The following RAB11FIP4 variants were observed in gnomAD, a reference collection of about 807,000 sequenced individuals.
The protein encoded by RAB11FIP4 is rab11 family-interacting protein 4.
RAB11FIP4 carries 23 observed loss-of-function variants against 74.3 expected under a neutral mutation model. That is an observed-to-expected ratio of 0.31 (90% CI 0.22 to 0.44). The LOEUF is 0.44. Among genes scored for constraint, RAB11FIP4 ranks in the 20% least tolerant of loss-of-function variants. The pLI, the probability that RAB11FIP4 is intolerant of heterozygous loss-of-function variation, is 1.00. For missense variants in RAB11FIP4, 630 were observed against 863.9 expected (o/e 0.73, Z 3.39); for synonymous variants, 360 against 359.9 (o/e 1.00, Z 0.00).
At chr17:31,470,807 G>A (rs752156328) in intron 3 of RAB11FIP4, among the ~76,000 whole-genome samples, 7 of 152,138 alleles carry the variant, frequency 4.6e-5, no homozygotes, top group Admixed American at 1.3e-4. Flanking sequence ...TGTAATGACC[G>A]TCCCCTATAA....
chr17:31,504,666 A>C (rs544682975), intron 3 of RAB11FIP4, among the ~76,000 whole-genome samples: 6 of 152,220 alleles, frequency 3.9e-5, no homozygotes, highest in African/African-American at 1.4e-4. Context: ...CTTCACAACT[A>C]TATGCCATTA....
At chr17:31,432,626 C>T (rs902869562) in intron 2 of RAB11FIP4, among the ~76,000 whole-genome samples, 3 of 152,174 alleles carry the variant, frequency 2.0e-5, no homozygotes, top group African/African-American at 7.2e-5. Flanking sequence ...TCCCAAAGTT[C>T]TGGGATTACA....
At chr17:31,401,263 CTCTG>C (rs946955247) in intron 1 of RAB11FIP4, among the ~76,000 whole-genome samples, 11 of 138,490 alleles carry the variant, frequency 7.9e-5, no homozygotes, top group African/African-American at 2.8e-4. Context: ...CACAGCGAGA[CTCTG>C]TCTAATTAAA....
Position 31,523,931 on chromosome 17 carries a change from T to G in RAB11FIP4, c.1068T>G (p.Asn356Lys). Residue 356 changes from asparagine (N) to lysine (K), a missense_variant, in exon 9 of 15, where the codon AAT becomes AAG. By Grantham distance (94) the Asn-to-Lys change is moderately conservative (BLOSUM62 0). Coordinates refer to ENST00000621161, the MANE Select transcript of RAB11FIP4 (RefSeq NM_032932.6). ...AAAAGAAGGTGACAGAGCTGGAGAA[T>G]GACAGCCTGACCAATGGGGACCTGA... ...FLEKKVTELENDSLTNGDLKS... is the reference protein window; with the variant it reads ...FLEKKVTELEKDSLTNGDLKS... The G allele has an allele frequency of 1.9e-6, 3 of 1,612,254 alleles. No individual in the cohort carries two copies. Among genetic ancestry groups the G allele is most frequent in the Non-Finnish European group, 2.5e-6 (3 of 1,179,434 alleles).
chr17:31,517,577 C>G, intron 3 of RAB11FIP4, 74 bp from the exon 4 acceptor site: 1 of 1,423,630 alleles, frequency 7.0e-7, no homozygotes, highest in East Asian at 2.5e-5. Context: ...GGCTGATGCC[C>G]TTGTGGTCTG....
At chr17:31,471,432 T>C (rs904540273) in intron 3 of RAB11FIP4, among the ~76,000 whole-genome samples, 3 of 152,100 alleles carry the variant, frequency 2.0e-5, no homozygotes, top group African/African-American at 4.8e-5. Flanking sequence ...GGAGCACTCA[T>C]AGAAATGCAC....
At chr17:31,463,180 G>T (rs1019669752) in intron 3 of RAB11FIP4, among the ~76,000 whole-genome samples, 2 of 152,120 alleles carry the variant, frequency 1.3e-5, no homozygotes, top group Non-Finnish European at 2.9e-5. Context: ...CTGCAAGGCC[G>T]CTCAGCTTAA....
chr17:31,441,994 G>C (rs749178239), intron 3 of RAB11FIP4, among the ~76,000 whole-genome samples: 2 of 151,304 alleles, frequency 1.3e-5, no homozygotes, highest in South Asian at 2.1e-4. Context: ...ATTGTTGGGC[G>C]TATATACACT....
intron 3 of RAB11FIP4, among the ~76,000 whole-genome samples, chr17:31,479,294 G>C (rs956821361): frequency 1.3e-5 from 2 of 152,308 alleles, no homozygotes; most frequent in East Asian, 1.9e-4. Context: ...ATGTGTCTGG[G>C]AAGAGGGCAG....
At chr17:31,524,684 C>G (rs1224357350) in intron 9 of RAB11FIP4, 2 of 240,112 alleles carry the variant, frequency 8.3e-6, no homozygotes, top group Admixed American at 5.2e-5. Context: ...GGGCAGACTT[C>G]AGGCCACCAG....
At chr17:31,480,182 C>T (rs147706623) in intron 3 of RAB11FIP4, among the ~76,000 whole-genome samples, 428 of 152,258 alleles carry the variant, frequency 2.8e-3, no homozygotes, top group Middle Eastern at 0.01. Context: ...GCCTCTCACC[C>T]CACAAGCCCT....
intron 3 of RAB11FIP4, among the ~76,000 whole-genome samples, chr17:31,513,191 G>A (rs1393239899): frequency 6.6e-6 from 1 of 152,180 alleles, no homozygotes; most frequent in African/African-American, 2.4e-5. Flanking sequence ...TTACCTGCAG[G>A]CAGCCTGGCC....
chr17:31,444,425 G>A lies in RAB11FIP4; in HGVS notation c.336+10303G>A, dbSNP rs1314505040. On this transcript the variant is annotated intron_variant, in intron 3 of 14. Transcript: ENST00000621161. Reference sequence around the variant, plus strand: ...AGAGCTTCTGTAAGATCCTCGATTTGTGTCTTTGGGAAATAACTCAACTCT... The same window carrying A: ...AGAGCTTCTGTAAGATCCTCGATTTATGTCTTTGGGAAATAACTCAACTCT... 3.3e-5 allele frequency among the ~76,000 whole-genome samples: 5 copies of A among 150,746 alleles called. No individual in the cohort carries two copies. In the Admixed American group the frequency reaches 3.3e-4, roughly 10 times the overall value.
At chr17:31,402,162 A>G (rs1407778467) in intron 1 of RAB11FIP4, among the ~76,000 whole-genome samples, 1 of 150,878 alleles carries the variant, frequency 6.6e-6, no homozygotes, top group African/African-American at 2.4e-5. Flanking sequence ...CCTTCTGCCC[A>G]CTTCCGTAGC....
chr17:31,399,818 C>T lies in RAB11FIP4; in HGVS notation c.159+7807C>T, dbSNP rs187674012. On this transcript the variant is annotated intron_variant, in intron 1 of 14. Transcript: ENST00000621161. ...TAGCACTTTGGGAGGCTGAGGCAGG[C>T]GGATCACCTGAGGTCAGGAGTTCAA... is the stretch of plus-strand genomic sequence containing the variant. Among the ~76,000 whole-genome samples, 887 of 151,788 alleles carry T rather than the reference C, an allele frequency of 5.8e-3. 8 individuals carry two copies. Among genetic ancestry groups the T allele is most frequent in the African/African-American group, 0.02 (822 of 41,392 alleles).
chr17:31,453,867 GGC>G (rs2142707062), intron 3 of RAB11FIP4, among the ~76,000 whole-genome samples: 1 of 151,874 alleles, frequency 6.6e-6, no homozygotes, highest in South Asian at 2.1e-4. Flanking sequence ...GGAAAATACT[GGC>G]ATTTCTCAAC....
At chr17:31,449,835 T>G (rs1304043388) in intron 3 of RAB11FIP4, among the ~76,000 whole-genome samples, 2 of 152,168 alleles carry the variant, frequency 1.3e-5, no homozygotes, top group African/African-American at 4.8e-5. Context: ...ACCCCCAAAG[T>G]GCTGGTATGG....
At chr17:31,480,267 T>C (rs543944956) in intron 3 of RAB11FIP4, among the ~76,000 whole-genome samples, 13 of 151,926 alleles carry the variant, frequency 8.6e-5, no homozygotes, top group African/African-American at 1.2e-4. Flanking sequence ...CTGCTGACAG[T>C]TGGGGAGGAG....
At chr17:31,485,879 C>G (rs530243087) in intron 3 of RAB11FIP4, among the ~76,000 whole-genome samples, 1 of 152,292 alleles carries the variant, frequency 6.6e-6, no homozygotes, top group Admixed American at 6.5e-5. Flanking sequence ...AAACCCAAGT[C>G]TGTTTGATTT....
Sources: gnomAD v4.1 joint callset for allele counts (sites outside exome capture counted in the v4.1 genomes callset) on GRCh38, gnomAD v4.1.1 for gene constraint, MANE v1.5 for transcripts, NCBI Gene and HGNC (gene_info 2026-07-23, HGNC 2026-07-21) for gene names.